The following PHEX variants were observed in gnomAD, a reference collection of about 807,000 sequenced individuals.
PHEX encodes the protein phosphate regulating endopeptidase X-linked, also known as phosphate-regulating neutral endopeptidase PHEX.
A neutral mutation model predicts 68.0 loss-of-function variants in PHEX; 16 were observed. The observed-to-expected ratio is 0.24, with a 90% CI of 0.16 to 0.36. PHEX has a LOEUF of 0.36. Ranked by LOEUF, PHEX falls within the 10% of genes least tolerant of loss-of-function variation. The probability of loss-of-function intolerance (pLI) is 1.00; values close to 1 mark genes in which losing one functional copy is unlikely to be tolerated. For missense variants in PHEX, 480 were observed against 575.5 expected, an observed-to-expected ratio of 0.83 and a Z score of 1.70; for synonymous variants, 208 against 205.1, an observed-to-expected ratio of 1.01 and a Z score of -0.12.
rs770726332 is a variant in PHEX at position 22,077,480 on chromosome X, G to T, written c.441G>T (p.Ala147=). Reference sequence around the variant, plus strand: ...TTCATATCTGCTCCCTTTCAGAAGCGATTGAAAAAGCAGATGCCAAGCCAC... The same window carrying T: ...TTCATATCTGCTCCCTTTCAGAAGCTATTGAAAAAGCAGATGCCAAGCCAC... ...ILYSSCMNEK[A]IEKADAKPLL... The change falls in exon 5 of 22, where the codon GCG becomes GCT. Residue 147 remains alanine, a synonymous_variant. Transcript: ENST00000379374. 3.3e-6 allele frequency: 4 copies of T among 1,205,406 alleles called. No individual in the cohort carries two copies. In the African/African-American group the frequency reaches 5.2e-5, roughly 16 times the overall value.
At chrX:22,098,567 A>G (rs1037117393) in intron 8 of PHEX, among the ~76,000 whole-genome samples, 4 of 104,872 alleles carry the variant, frequency 3.8e-5, no homozygotes, top group Non-Finnish European at 5.8e-5. Context: ...TGGGTGGATC[A>G]CTTGAAGTCA....
chrX:22,210,865 G>C (rs1286828556), intron 15 of PHEX, among the ~76,000 whole-genome samples: 2 of 110,414 alleles, frequency 1.8e-5, no homozygotes, highest in African/African-American at 6.6e-5. Context: ...GGGTTATATA[G>C]AACCACCATT....
intron 18 of PHEX, among the ~76,000 whole-genome samples, chrX:22,225,198 C>G (rs1341824418): frequency 9.2e-6 from 1 of 109,053 alleles, no homozygotes; most frequent in Admixed American, 9.8e-5. Flanking sequence ...CTCTGACACT[C>G]GCTCTCCTGC....
intron 12 of PHEX, among the ~76,000 whole-genome samples, chrX:22,162,436 G>T (rs1053160828): frequency 8.0e-5 from 9 of 111,803 alleles, no homozygotes; most frequent in Non-Finnish European, 1.7e-4. Context: ...TTGGTTAGGG[G>T]TATAAGATGA....
At chrX:22,162,985 A>G (rs1933186423) in intron 12 of PHEX, 1 of 111,945 alleles carries the variant, frequency 8.9e-6, no homozygotes, top group Non-Finnish European at 1.9e-5. Flanking sequence ...TTTTGCCACC[A>G]GGGGCACATT....
chrX:22,225,932 A>AT (rs769386009), intron 18 of PHEX, among the ~76,000 whole-genome samples: 6 of 111,759 alleles, frequency 5.4e-5, no homozygotes, highest in Non-Finnish European at 9.4e-5. Flanking sequence ...CTTCTGTTTG[A>AT]TTTTTCTTCC....
At chrX:22,148,277 G>C (rs1043759450) in intron 12 of PHEX, among the ~76,000 whole-genome samples, 4 of 110,700 alleles carry the variant, frequency 3.6e-5, no homozygotes, top group East Asian at 5.6e-4. Context: ...ACTCCTACAG[G>C]GTAGCTAAGA....
At chrX:22,052,859 T>C (rs1927901321) in intron 3 of PHEX, among the ~76,000 whole-genome samples, 2 of 111,285 alleles carry the variant, frequency 1.8e-5, no homozygotes, top group South Asian at 7.6e-4. Context: ...ATACACTACT[T>C]GGTGACAGGT....
chrX:22,054,438 T>A (rs758746119), intron 3 of PHEX, among the ~76,000 whole-genome samples: 1 of 111,901 alleles, frequency 8.9e-6, no homozygotes, highest in African/African-American at 3.2e-5. Flanking sequence ...CCCGGCCACT[T>A]CATGAAGTTC....
intron 16 of PHEX, among the ~76,000 whole-genome samples, chrX:22,214,350 C>A (rs935047944): frequency 1.2e-4 from 14 of 112,065 alleles, no homozygotes; most frequent in Admixed American, 1.2e-3. Context: ...GGATAATCTT[C>A]CTGTTTTAAG....
chrX:22,193,699 T>C (rs1350424743), intron 15 of PHEX, among the ~76,000 whole-genome samples: 1 of 111,501 alleles, frequency 9.0e-6, no homozygotes, highest in Non-Finnish European at 1.9e-5. Flanking sequence ...AGCCTATGAG[T>C]CCCCACACCC....
intron 5 of PHEX, among the ~76,000 whole-genome samples, chrX:22,089,113 C>T (rs1409617314): frequency 8.9e-6 from 1 of 112,301 alleles, no homozygotes; most frequent in Non-Finnish European, 1.9e-5. Flanking sequence ...CCTCCGCCTC[C>T]TGGGTTCAAG....
At chrX:22,233,707 C>A (rs1291719355) in intron 20 of PHEX, among the ~76,000 whole-genome samples, 1 of 111,391 alleles carries the variant, frequency 9.0e-6, no homozygotes, top group Non-Finnish European at 1.9e-5. Context: ...GCTAGCAATT[C>A]ATCTAACCTG....
intron 9 of PHEX, 35 bp downstream of exon 9, chrX:22,099,186 T>TGTG (rs1428497198): frequency 1.7e-6 from 2 of 1,148,516 alleles, no homozygotes; most frequent in South Asian, 3.6e-5. Context: ...CTGTGACTTT[T>TGTG]GTGTTTTCTT....
At chrX:22,149,989 T>C (rs767590870) in intron 12 of PHEX, among the ~76,000 whole-genome samples, 11 of 111,391 alleles carry the variant, frequency 9.9e-5, no homozygotes, top group African/African-American at 3.6e-4. Flanking sequence ...GCCCCCCTCA[T>C]CACTGGTTAC....
intron 11 of PHEX, among the ~76,000 whole-genome samples, chrX:22,121,707 T>A (rs1273755051): frequency 5.3e-5 from 6 of 112,549 alleles, no homozygotes; most frequent in Admixed American, 9.4e-5. Flanking sequence ...TGACTCCCTA[T>A]GTAGAACAAT....
At position 22,127,123 on chromosome X, in the gene PHEX, C is replaced by T. The variant is rs542378167; in HGVS notation, c.1303-6400C>T. On this transcript the variant is annotated intron_variant, in intron 11 of 21. Coordinates refer to ENST00000379374, the MANE Select transcript of PHEX (RefSeq NM_000444.6). ...CTGACCTCAGGTGATTCGCCCACCT[C>T]GGCCTCCCAAAGTGCTGGGATTACA... 3.4e-4 allele frequency among the ~76,000 whole-genome samples: 37 copies of T among 110,271 alleles called. No homozygotes were observed. The South Asian group carries it at 0.014, about 40-fold the overall frequency.
chrX:22,081,501 G>A (rs773440602), intron 5 of PHEX, among the ~76,000 whole-genome samples: 2 of 111,987 alleles, frequency 1.8e-5, no homozygotes, highest in East Asian at 5.6e-4. Context: ...TTTCTTCGGT[G>A]TGCTTAGCTT....
intron 18 of PHEX, among the ~76,000 whole-genome samples, chrX:22,225,460 G>A (rs751544433): frequency 1.8e-5 from 2 of 111,563 alleles, no homozygotes; most frequent in South Asian, 3.7e-4. Context: ...GTTATCCTGC[G>A]TGTTATACAA....
Sources: gnomAD v4.1 joint callset for allele counts (sites outside exome capture counted in the v4.1 genomes callset) on GRCh38, gnomAD v4.1.1 for gene constraint, MANE v1.5 for transcripts, NCBI Gene and HGNC (gene_info 2026-07-23, HGNC 2026-07-21) for gene names.